Variants in MED13L observed in about 807,000 individuals in gnomAD.
The protein encoded by MED13L is mediator of RNA polymerase II transcription subunit 13-like.
A neutral mutation model predicts 220.9 loss-of-function variants in MED13L; 7 were observed. The ratio of observed to expected loss-of-function variants is 0.03; its 90% CI spans 0.02 to 0.06. The LOEUF (loss-of-function observed/expected upper bound fraction) is 0.06, where lower values mean the gene tolerates loss of function less well. MED13L is among the 10% of genes least tolerant of loss of function. MED13L has a pLI of 1.00. For missense variants in MED13L, 1,965 were observed against 2,760.5 expected, an observed-to-expected ratio of 0.71 and a Z score of 6.46; for synonymous variants, 1,011 against 1,015.2, an observed-to-expected ratio of 1.00 and a Z score of 0.08.
chr12:116,115,066 T>C (rs1874395089), intron 2 of MED13L, among the ~76,000 whole-genome samples: 1 of 152,166 alleles, frequency 6.6e-6, no homozygotes, highest in Non-Finnish European at 1.5e-5. Context: ...GCTGAGTCTA[T>C]ATATTTATAT....
At chr12:115,988,954 T>C (rs1053514536) in intron 17 of MED13L, among the ~76,000 whole-genome samples, 2 of 152,186 alleles carry the variant, frequency 1.3e-5, no homozygotes, top group Non-Finnish European at 2.9e-5. Flanking sequence ...AGGGTCTGCT[T>C]AAGTATAAGG....
chr12:115,995,536 G>A lies in MED13L; in HGVS notation c.2996+940C>T, dbSNP rs1164880168. Among the ~76,000 whole-genome samples, 3 of 152,196 alleles carry A rather than the reference G, an allele frequency of 2.0e-5. No homozygotes were observed. The East Asian group carries it at 5.8e-4, about 29-fold the overall frequency. ...CCTCGTGAGTTCAAGTGATTCTCCT[G>A]CCTCAGCCTCCCAAGCAGCTGGGTC... On this transcript the variant is annotated intron_variant, in intron 16 of 30. Coordinates refer to ENST00000281928, the MANE Select transcript of MED13L (RefSeq NM_015335.5).
chr12:116,240,634 A>C lies in MED13L; in HGVS notation c.73-2929T>G, dbSNP rs547593883. On this transcript the variant is annotated intron_variant, in intron 1 of 30. Coordinates refer to ENST00000281928, the MANE Select transcript of MED13L (RefSeq NM_015335.5). The stretch of plus-strand genomic sequence containing the variant: ...AGCAAGTTCCGCCTCCTGGGTTCAC[A>C]CCATTCTCCTGCCTCAGCCTCCCGA... 3.3e-5 allele frequency among the ~76,000 whole-genome samples: 5 copies of C among 150,478 alleles called. No homozygotes were observed. The South Asian group carries it at 1.1e-3, about 32-fold the overall frequency.
chr12:115,961,153 G>T lies in MED13L; in HGVS notation c.*113C>A. 1 of 1,369,112 alleles carries T rather than the reference G, an allele frequency of 7.3e-7. No homozygotes were observed. The highest frequency in any genetic ancestry group is 1.0e-6 in the Non-Finnish European group (1 of 965,504). 84.8% of individuals were successfully genotyped at this position (1,369,112 alleles called of 1,614,324 possible). ...TGAGAAGGAATCACAGTGCAGGACT[G>T]TGGAGAGTGGTCTGAAGAAAAGGAT... On this transcript the variant is annotated 3_prime_UTR_variant, in exon 31 of 31. Transcript: ENST00000281928.
At position 116,088,161 on chromosome 12, in the gene MED13L, AC is replaced by A. The variant is rs1025110241; in HGVS notation, c.479+8507del. On this transcript the variant is annotated intron_variant, in intron 4 of 30. Transcript: ENST00000281928. ...ATCACAGTTGTCCACCTACCCCTCC[AC>A]CCCCCTTTTTAAACAGTTTGTAGCA... Among the ~76,000 whole-genome samples the A allele has an allele frequency of 5.9e-5, 9 of 151,722 alleles. No homozygotes were observed. In the East Asian group the frequency reaches 7.7e-4, roughly 13 times the overall value.
intron 4 of MED13L, among the ~76,000 whole-genome samples, chr12:116,026,772 G>A (rs2137467783): frequency 6.6e-6 from 1 of 152,252 alleles, no homozygotes; most frequent in Middle Eastern, 3.4e-3. Context: ...CCTAGCAACA[G>A]CACTTCTAAG....
chr12:116,039,003 G>A (rs565267140), intron 4 of MED13L, among the ~76,000 whole-genome samples: 2 of 151,894 alleles, frequency 1.3e-5, no homozygotes, highest in African/African-American at 2.4e-5. Flanking sequence ...ACCCATGTTC[G>A]TATTCTTCCC....
intron 3 of MED13L, among the ~76,000 whole-genome samples, chr12:116,102,500 TTACATTACTTCATAATA>T (rs1873139874): frequency 6.6e-6 from 1 of 152,060 alleles, no homozygotes. Flanking sequence ...AGGCTAAATT[TTACATTACTTCATAATA>T]GAGTATCTCC....
At chr12:116,012,928 G>T in intron 8 of MED13L, 27 bp from the exon 9 acceptor site, 1 of 1,516,258 alleles carries the variant, frequency 6.6e-7, no homozygotes, top group Non-Finnish European at 9.2e-7. Context: ...TGTGACTTAT[G>T]TGTGAACATA....
At chr12:116,041,116 C>T (rs1201299403) in intron 4 of MED13L, among the ~76,000 whole-genome samples, 2 of 152,152 alleles carry the variant, frequency 1.3e-5, no homozygotes, top group Non-Finnish European at 2.9e-5. Flanking sequence ...TGTGTCCCCA[C>T]CCAAATCTCA....
At chr12:115,970,842 C>A in intron 26 of MED13L, 72 bp from the exon 27 acceptor site, 1 of 1,413,636 alleles carries the variant, frequency 7.1e-7, no homozygotes, top group Non-Finnish European at 9.8e-7. Context: ...AGGGCCTGAT[C>A]TGGAGTGGTA....
chr12:116,019,331 G>A lies in MED13L; in HGVS notation c.902C>T (p.Ala301Val), dbSNP rs1340139751. 1 of 1,614,042 alleles carries A rather than the reference G, an allele frequency of 6.2e-7. No homozygotes were observed. Among genetic ancestry groups the A allele is most frequent in the African/African-American group, 1.3e-5 (1 of 75,054 alleles). ...CTGCCCAACTGCAATGTGGCCTCCA[G>A]CACTGGCAACACTCTGAGGAACCGG... is the stretch of plus-strand genomic sequence containing the variant. Reference protein sequence around the residue: ...DIPVPQSVASAGGHIAVGQQG... With the variant: ...DIPVPQSVASVGGHIAVGQQG... Residue 301 changes from alanine to valine, a missense_variant, in exon 7 of 31, where the codon GCT (alanine) becomes GTT (valine). Ala to Val is a moderately conservative substitution (Grantham distance 64, BLOSUM62 0). Around this residue, in one of 10 missense-constraint regions of MED13L, gnomAD observed 818 missense variants for 1,041.2 expected, o/e 0.79. Coordinates refer to ENST00000281928, the MANE Select transcript of MED13L (RefSeq NM_015335.5).
At position 116,136,111 on chromosome 12, in the gene MED13L, C is replaced by G. The variant is rs112820098; in HGVS notation, c.311-24599G>C. 7.5e-3 allele frequency among the ~76,000 whole-genome samples: 1,145 copies of G among 152,232 alleles called. 12 individuals are homozygous for G. Among genetic ancestry groups the G allele is most frequent in the Non-Finnish European group, 0.01 (705 of 68,022 alleles). Reference sequence around the variant, plus strand: ...AGAGATGGAGTTTCACCATCTTGGCCAGGCTGGTCTTGAATTTCTGACCTC... The same window carrying G: ...AGAGATGGAGTTTCACCATCTTGGCGAGGCTGGTCTTGAATTTCTGACCTC... On this transcript the variant is annotated intron_variant, in intron 2 of 30. Transcript: ENST00000281928.
chr12:116,139,690 G>A (rs1164866524), intron 2 of MED13L, among the ~76,000 whole-genome samples: 1 of 152,102 alleles, frequency 6.6e-6, no homozygotes, highest in Non-Finnish European at 1.5e-5. Flanking sequence ...CTTGCTGAGT[G>A]TGCTTTAAAT....
At chr12:116,088,615 C>T (rs1871920968) in intron 4 of MED13L, among the ~76,000 whole-genome samples, 1 of 151,910 alleles carries the variant, frequency 6.6e-6, no homozygotes, top group South Asian at 2.1e-4. Flanking sequence ...GGCTGAGAAA[C>T]CCTAGGATAA....
chr12:115,976,099 G>C (rs994590243), intron 23 of MED13L, among the ~76,000 whole-genome samples: 1 of 152,084 alleles, frequency 6.6e-6, no homozygotes, highest in African/African-American at 2.4e-5. Context: ...GAAAATATTG[G>C]TAAGAATATG....
rs769509528 is a variant in MED13L, at chr12:116,009,023, A to C, written c.1390T>G (p.Ser464Ala). 9 of 1,613,956 alleles carry C rather than the reference A, an allele frequency of 5.6e-6. No individual in the cohort carries two copies. In the East Asian group the frequency reaches 6.7e-5, roughly 12 times the overall value. ...SSSSSLPPPA[S>A]SKHKTAERQE... The stretch of plus-strand genomic sequence containing the variant: ...CTTTCTGCTGTTTTGTGCTTAGAAG[A>C]AGCAGGAGGTGGTAAAGATGAAGAT... The change falls in exon 10 of 31, where the codon TCT becomes GCT. Residue 464 changes from serine to alanine, a missense_variant. Transcript: ENST00000281928.
chr12:115,963,932 A>G (rs1055952476), intron 29 of MED13L, among the ~76,000 whole-genome samples: 10 of 152,092 alleles, frequency 6.6e-5, no homozygotes, highest in African/African-American at 2.4e-4. Flanking sequence ...AAAACATTAA[A>G]AAAAAATAGC....
chr12:116,272,946 A>C (rs1474177613), intron 1 of MED13L, among the ~76,000 whole-genome samples: 1 of 152,264 alleles, frequency 6.6e-6, no homozygotes, highest in East Asian at 1.9e-4. Flanking sequence ...CTGTAACACC[A>C]TGTGCTACTA....
Sources: gnomAD v4.1 joint callset for allele counts (sites outside exome capture counted in the v4.1 genomes callset) on GRCh38, gnomAD v4.1.1 for gene constraint, gnomAD v4.1.1 regional missense constraint, MANE v1.5 for transcripts, NCBI Gene and HGNC (gene_info 2026-07-23, HGNC 2026-07-21) for gene names.